The following TUSC3 variants were observed in gnomAD, a reference collection of about 807,000 sequenced individuals.
TUSC3 encodes the protein dolichyl-diphosphooligosaccharide--protein glycosyltransferase subunit TUSC3.
TUSC3 carries 45 observed loss-of-function variants against 44.8 expected under a neutral mutation model. That is an observed-to-expected ratio of 1.00 (90% CI 0.79 to 1.29). The LOEUF (loss-of-function observed/expected upper bound fraction) is 1.29. Among genes scored for constraint, TUSC3 ranks in the 50% most tolerant of loss-of-function variants. TUSC3 has a pLI of 0.00. For missense variants in TUSC3, 519 were observed against 437.9 expected, an observed-to-expected ratio of 1.19 and a Z score of -1.65; for synonymous variants, 212 against 152.9, an observed-to-expected ratio of 1.39 and a Z score of -2.85.
intron 2 of TUSC3, among the ~76,000 whole-genome samples, chr8:15,624,548 C>T (rs1251335431): frequency 6.6e-6 from 1 of 152,154 alleles, no homozygotes; most frequent in African/African-American, 2.4e-5. Flanking sequence ...TTTTGCATTT[C>T]CCTATGACTA....
chr8:15,824,702 G>A, the TUSC3 span, among the ~76,000 whole-genome samples: 2 of 152,158 alleles, frequency 1.3e-5, no homozygotes, highest in Non-Finnish European at 2.9e-5. Flanking sequence ...GTACACATAT[G>A]TAACTAACCT....
upstream of TUSC3, among the ~76,000 whole-genome samples, chr8:15,536,747 G>A (rs1274537727): frequency 2.1e-5 from 3 of 142,148 alleles, no homozygotes; most frequent in Non-Finnish European, 4.5e-5. Flanking sequence ...GCAGGATTAA[G>A]GAGTCTTGCA....
intron 1 of TUSC3, among the ~76,000 whole-genome samples, chr8:15,603,194 C>G (rs1036974740): frequency 4.0e-5 from 6 of 151,392 alleles, no homozygotes; most frequent in Non-Finnish European, 5.9e-5. Flanking sequence ...AAAAGAGAAC[C>G]CAATTGAAAA....
chr8:15,700,117 G>A (rs1305953486), intron 6 of TUSC3, among the ~76,000 whole-genome samples: 1 of 152,056 alleles, frequency 6.6e-6, no homozygotes, highest in Admixed American at 6.6e-5. Context: ...ATCAGCTTAG[G>A]GTATGAAATT....
At chr8:15,668,960 A>C (rs781016099) in intron 5 of TUSC3, among the ~76,000 whole-genome samples, 2 of 151,740 alleles carry the variant, frequency 1.3e-5, no homozygotes, top group Non-Finnish European at 2.9e-5. Context: ...CCCAAGTGGA[A>C]AGCTTCTAAA....
chr8:15,766,091 G>C lies in TUSC3; in HGVS notation c.*1935G>C, dbSNP rs1259428034. 1.4e-5 allele frequency: 2 copies of C among 141,928 alleles called. No individual in the cohort carries two copies. Among genetic ancestry groups the C allele is most frequent in the Non-Finnish European group, 3.3e-5 (2 of 61,070 alleles). The allele number at this position is 141,928 out of a possible 1,614,324, so 8.8% of individuals were successfully genotyped here. A position where few individuals can be genotyped will look rare whatever the true frequency, so the allele number is the denominator to read the frequency against. ...ACTTTACTATACCATATTAGTAAAG[G>C]TTTTCTAGCTCTTATTTTCTAATTT... is the stretch of plus-strand genomic sequence containing the variant. On this transcript the variant is annotated 3_prime_UTR_variant, in exon 11 of 11. Coordinates refer to ENST00000503731, the MANE Select transcript of TUSC3 (RefSeq NM_006765.4).
At chr8:15,642,167 A>G (rs1313237096) in intron 2 of TUSC3, among the ~76,000 whole-genome samples, 2 of 152,178 alleles carry the variant, frequency 1.3e-5, no homozygotes, top group Admixed American at 6.5e-5. Context: ...ATTACTGGGT[A>G]GAATAGTTGC....
intron 10 of TUSC3, chr8:15,758,326 G>A (rs1812019364): frequency 1.2e-6 from 1 of 823,932 alleles, no homozygotes; most frequent in Admixed American, 6.3e-5. Flanking sequence ...GCTAAATTCA[G>A]AAACAGATAG....
intron 3 of TUSC3, among the ~76,000 whole-genome samples, chr8:15,653,116 C>T (rs550882052): frequency 5.3e-5 from 8 of 152,228 alleles, no homozygotes; most frequent in African/African-American, 1.9e-4. Flanking sequence ...TTCTTTACTA[C>T]TGTAAGAAAC....
intron 1 of TUSC3, among the ~76,000 whole-genome samples, chr8:15,613,532 T>C (rs1177154754): frequency 1.3e-5 from 2 of 152,142 alleles, no homozygotes; most frequent in African/African-American, 2.4e-5. Flanking sequence ...TCCCTGTACA[T>C]GCTGTCTCTT....
chr8:15,466,209 G>T (rs1479078878), intron 1 of TUSC3, among the ~76,000 whole-genome samples: 1 of 152,134 alleles, frequency 6.6e-6, no homozygotes, highest in East Asian at 1.9e-4. Flanking sequence ...TTCTGCCAGG[G>T]CCTAACTGTA....
At chr8:15,605,174 A>G (rs1010721899) in intron 1 of TUSC3, among the ~76,000 whole-genome samples, 2 of 151,922 alleles carry the variant, frequency 1.3e-5, no homozygotes, top group Admixed American at 1.3e-4. Flanking sequence ...AAAGAGTAGA[A>G]TCAATCAATA....
At chr8:15,758,782 T>C (rs552309465) in intron 10 of TUSC3, among the ~76,000 whole-genome samples, 1 of 152,164 alleles carries the variant, frequency 6.6e-6, no homozygotes, top group Non-Finnish European at 1.5e-5. Context: ...ACACTTTACA[T>C]AGGCCTCTCT....
At chr8:15,647,321 A>T (rs1287348778) in intron 2 of TUSC3, among the ~76,000 whole-genome samples, 10 of 152,178 alleles carry the variant, frequency 6.6e-5, no homozygotes, top group Admixed American at 6.5e-4. Context: ...TAATCTTTCT[A>T]ATCACCAGTT....
chr8:15,543,206 G>A (rs1014352110), intron 1 of TUSC3, among the ~76,000 whole-genome samples: 1 of 151,866 alleles, frequency 6.6e-6, no homozygotes, highest in Non-Finnish European at 1.5e-5. Context: ...ACCTGGAAGT[G>A]TAGCAGTTGA....
chr8:15,512,411 C>T (rs978154584), intron 2 of TUSC3, among the ~76,000 whole-genome samples: 1 of 152,168 alleles, frequency 6.6e-6, no homozygotes, highest in African/African-American at 2.4e-5. Flanking sequence ...CTCCTGTCTG[C>T]TAGTCTACTC....
chr8:15,824,955 C>T, the TUSC3 span, among the ~76,000 whole-genome samples: 2 of 152,148 alleles, frequency 1.3e-5, no homozygotes, highest in African/African-American at 4.8e-5. Context: ...ATAAGATTGA[C>T]TCTCTATATA....
intron 1 of TUSC3, among the ~76,000 whole-genome samples, chr8:15,578,750 C>T (rs1255666860): frequency 6.6e-6 from 1 of 152,084 alleles, no homozygotes; most frequent in Non-Finnish European, 1.5e-5. Context: ...CATCAATGTT[C>T]ATCAAGGATA....
At chr8:15,622,398 G>C (rs1805290148) in intron 1 of TUSC3, among the ~76,000 whole-genome samples, 1 of 151,606 alleles carries the variant, frequency 6.6e-6, no homozygotes, top group Non-Finnish European at 1.5e-5. Flanking sequence ...CTCCCAAAGT[G>C]CTAGGATTAC....
Sources: allele counts gnomAD v4.1 joint callset (sites outside exome capture counted in the v4.1 genomes callset), GRCh38; gene constraint gnomAD v4.1.1; transcripts MANE v1.5; gene names NCBI Gene and HGNC (gene_info 2026-07-23, HGNC 2026-07-21).